Variants in KIR2DL3 observed in about 807,000 individuals in gnomAD.
KIR2DL3 encodes killer cell immunoglobulin-like receptor 2DL3.
KIR2DL3 carries 39 observed loss-of-function variants against 33.8 expected under a neutral mutation model. The ratio of observed to expected loss-of-function variants is 1.15; its 90% CI spans 0.89 to 1.51. The LOEUF (loss-of-function observed/expected upper bound fraction) is 1.51. KIR2DL3 is among the 40% of genes most tolerant of loss of function. The pLI is 0.00. For missense variants in KIR2DL3, 462 were observed against 426.2 expected, an observed-to-expected ratio of 1.08 and a Z score of -0.74; for synonymous variants, 174 against 160.2, an observed-to-expected ratio of 1.09 and a Z score of -0.65.
intron 3 of KIR2DL3, 123 bp from the exon 4 acceptor site, chr19:54,743,672 A>C (rs1297225483): frequency 2.4e-4 from 210 of 876,876 alleles, no homozygotes; most frequent in Non-Finnish European, 3.3e-4. Context: ...GATGGGGTGG[A>C]GGGTGAGAGA....
intron 4 of KIR2DL3, among the ~76,000 whole-genome samples, chr19:54,746,338 T>A (rs2147119079): frequency 7.3e-6 from 1 of 137,476 alleles, no homozygotes; most frequent in South Asian, 2.6e-4. Flanking sequence ...TCCCAATCTG[T>A]GGGTTGTCTC....
chr19:54,739,981 G>C (rs113220568), intron 2 of KIR2DL3, among the ~76,000 whole-genome samples: 691 of 152,070 alleles, frequency 4.5e-3, no homozygotes, highest in African/African-American at 0.016. Flanking sequence ...ATTCACAAAG[G>C]ACATGCCCTC....
In KIR2DL3 at chr19:54,745,997, G is replaced by C. The variant is rs1228736046; in HGVS notation, c.665-1338G>C. ...CCAACTAAATTTTGTATTTTTAGTA[G>C]AGACAGTGTTTCTTCATGTGGGTCA... is the stretch of plus-strand genomic sequence containing the variant. On this transcript the variant is annotated intron_variant, in intron 4 of 7. Transcript: ENST00000342376. 7.6e-5 allele frequency among the ~76,000 whole-genome samples: 10 copies of C among 131,942 alleles called. 2 individuals are homozygous for C. Among genetic ancestry groups the C allele is most frequent in the Admixed American group, 6.3e-4 (8 of 12,716 alleles). The allele number at this position is 131,942 out of a possible 152,430, so 86.6% of individuals were successfully genotyped here.
chr19:54,741,374 G>A (rs1341390544), intron 2 of KIR2DL3, among the ~76,000 whole-genome samples: 5 of 151,756 alleles, frequency 3.3e-5, no homozygotes, highest in Non-Finnish European at 7.4e-5. Context: ...AACCAAACAA[G>A]GAGAAGGTTG....
chr19:54,752,704 C>A lies in KIR2DL3; in HGVS notation c.*185C>A, dbSNP rs1555926702. 753 of 855,280 alleles carry A rather than the reference C, an allele frequency of 8.8e-4. 5 individuals carry two copies. Among genetic ancestry groups the A allele is most frequent in the South Asian group, 2.4e-3 (124 of 52,182 alleles). The allele number at this position is 855,280 out of a possible 1,614,324, so 53.0% of individuals were successfully genotyped here. A position where few individuals can be genotyped will look rare whatever the true frequency, so the allele number is the denominator to read the frequency against. ...CACCACAAATCTGAACGTGCCTCTCCCTTGCTTACAAATGTCTAAGGTCCC... is the reference window on the plus strand; with the variant it reads ...CACCACAAATCTGAACGTGCCTCTCACTTGCTTACAAATGTCTAAGGTCCC... On this transcript the variant is annotated 3_prime_UTR_variant, in exon 8 of 8. Transcript: ENST00000342376.
rs1470176719 is a variant in KIR2DL3, at chr19:54,749,996, T to A, written c.716-1653T>A. ...CATCGTTTTTCTATTTCTCTATAAT[T>A]ACTTCTTTGATCCTTTATCTTATCC... On this transcript the variant is annotated intron_variant, in intron 5 of 7. Transcript: ENST00000342376. 2.3e-5 allele frequency among the ~76,000 whole-genome samples: 3 copies of A among 129,636 alleles called. 1 individual carries two copies. Among genetic ancestry groups the A allele is most frequent in the African/African-American group, 8.9e-5 (3 of 33,768 alleles). 85.0% of individuals were successfully genotyped at this position (129,636 alleles called of 152,430 possible). A position where few individuals can be genotyped will look rare whatever the true frequency, so the allele number is the denominator to read the frequency against.
intron 5 of KIR2DL3, among the ~76,000 whole-genome samples, chr19:54,748,626 T>G (rs544505671): frequency 1.4e-5 from 2 of 147,726 alleles, no homozygotes; most frequent in Admixed American, 1.4e-4. Flanking sequence ...TTTTTGTTTG[T>G]TCTTTTGTTT....
chr19:54,741,846 A>C lies in KIR2DL3; in HGVS notation c.71-134A>C. 5.6e-6 allele frequency: 7 copies of C among 1,248,576 alleles called. No individual in the cohort carries two copies. In the East Asian group the frequency reaches 7.0e-5, roughly 12 times the overall value. The allele number at this position is 1,248,576 out of a possible 1,614,324, so 77.3% of individuals were successfully genotyped here. A position where few individuals can be genotyped will look rare whatever the true frequency, so the allele number is the denominator to read the frequency against. ...AGGACCTGCACCAGGAGTTAAGGGC[A>C]CAGAAAAGAACATGAAGACACAGAG... On this transcript the variant is annotated intron_variant, in intron 2 of 7. Coordinates refer to ENST00000342376, the MANE Select transcript of KIR2DL3 (RefSeq NM_015868.3).
rs753493960 is a variant in KIR2DL3, at chr19:54,739,590, A to T, written c.70+48A>T. 1.8e-5 allele frequency: 29 copies of T among 1,613,736 alleles called. No individual in the cohort carries two copies. The East Asian group carries it at 6.5e-4, about 36-fold the overall frequency. ...GGGTGTCATCTCCCCACATAAGAGGATTTTCCTGAAACAGGAGGGAAGTCC... is the reference window on the plus strand; with the variant it reads ...GGGTGTCATCTCCCCACATAAGAGGTTTTTCCTGAAACAGGAGGGAAGTCC... On this transcript the variant is annotated intron_variant, in intron 2 of 7. Transcript: ENST00000342376.
In KIR2DL3 at chr19:54,752,152, T is replaced by C. The variant is rs1409378030; in HGVS notation, c.821-64T>C. 9.1e-6 allele frequency: 13 copies of C among 1,429,634 alleles called. 1 individual carries two copies. The African/African-American group carries it at 1.9e-4, about 21-fold the overall frequency. The allele number at this position is 1,429,634 out of a possible 1,614,324, so 88.6% of individuals were successfully genotyped here. ...TGGTCTCCCCCTGTATGTTGGTATC[T>C]GCTTATGAAATGAGGGCCCAGAAGT... On this transcript the variant is annotated intron_variant, in intron 6 of 7. Transcript: ENST00000342376.
At chr19:54,740,610 G>C (rs2070865580) in intron 2 of KIR2DL3, among the ~76,000 whole-genome samples, 2 of 151,488 alleles carry the variant, frequency 1.3e-5, no homozygotes, top group Admixed American at 6.6e-5. Flanking sequence ...CAGAGCTTCT[G>C]TTGGGCATGT....
chr19:54,744,714 A>G (rs1333038862), intron 4 of KIR2DL3, among the ~76,000 whole-genome samples: 7 of 150,064 alleles, frequency 4.7e-5, no homozygotes, highest in Non-Finnish European at 7.4e-5. Flanking sequence ...TTTAGTAGAG[A>G]GGGGGTTTCA....
rs1324327792 is a variant in KIR2DL3 at position 54,744,133 on chromosome 19, C to T, written c.664+45C>T. 1.1e-5 allele frequency: 18 copies of T among 1,609,086 alleles called. No homozygotes were observed. The East Asian group carries it at 1.8e-4, about 16-fold the overall frequency. On this transcript the variant is annotated intron_variant, in intron 4 of 7. Coordinates refer to ENST00000342376, the MANE Select transcript of KIR2DL3 (RefSeq NM_015868.3). ...GTCTCATGTCCTATGATCCTAGAGC[C>T]TTAGCTGAGGAGCTTCCTGCTGATG... is the stretch of plus-strand genomic sequence containing the variant.
intron 2 of KIR2DL3, among the ~76,000 whole-genome samples, chr19:54,741,477 G>A (rs1160416327): frequency 3.9e-5 from 6 of 152,192 alleles, no homozygotes; most frequent in South Asian, 2.1e-4. Context: ...CCAGCACCAG[G>A]AGCCAGCCTA....
intron 3 of KIR2DL3, among the ~76,000 whole-genome samples, chr19:54,742,762 C>T (rs1431521868): frequency 6.6e-6 from 1 of 151,210 alleles, no homozygotes; most frequent in Non-Finnish European, 1.5e-5. Flanking sequence ...GTAATCGTCC[C>T]AGGATATCAT....
At chr19:54,741,048 A>T (rs1223263907) in intron 2 of KIR2DL3, among the ~76,000 whole-genome samples, 2 of 151,770 alleles carry the variant, frequency 1.3e-5, no homozygotes, top group Non-Finnish European at 2.9e-5. Flanking sequence ...CCCAGGAAAA[A>T]TAGGGTCCAA....
Position 54,747,348 on chromosome 19 carries a change from T to C in KIR2DL3, c.678T>C (p.Asn226=), listed in dbSNP as rs764455087. 1 of 1,611,828 alleles carries C rather than the reference T, an allele frequency of 6.2e-7. No homozygotes were observed. Among genetic ancestry groups the C allele is most frequent in the Non-Finnish European group, 8.5e-7 (1 of 1,178,562 alleles). ...CTCGTGTTCTAGGAAACCCTTCAAA[T>C]AGTTGGCCTTCACCCACTGAACCAA... ...LLVSVTGNPS[N]SWPSPTEPSS... is the part of the protein sequence containing the mutation. The change falls in exon 5 of 8, where the codon AAT becomes AAC. Residue 226 remains asparagine (N), a synonymous_variant. Coordinates refer to ENST00000342376, the MANE Select transcript of KIR2DL3 (RefSeq NM_015868.3).
chr19:54,744,607 A>G (rs112052905), intron 4 of KIR2DL3, among the ~76,000 whole-genome samples: 1 of 151,040 alleles, frequency 6.6e-6, no homozygotes, highest in Non-Finnish European at 1.5e-5. Context: ...GCTCACTGCA[A>G]CTTCCGCCTC....
chr19:54,744,245 C>T (rs2071815729), intron 4 of KIR2DL3, among the ~76,000 whole-genome samples, 157 bp downstream of exon 4: 1 of 152,184 alleles, frequency 6.6e-6, no homozygotes, highest in Non-Finnish European at 1.5e-5. Flanking sequence ...GACAGGGCAC[C>T]TCCAAACCCT....
Sources: gnomAD v4.1 joint callset for allele counts (sites outside exome capture counted in the v4.1 genomes callset) on GRCh38, gnomAD v4.1.1 for gene constraint, MANE v1.5 for transcripts, NCBI Gene and HGNC (gene_info 2026-07-23, HGNC 2026-07-21) for gene names.